Variants in SAMD5 observed in about 807,000 individuals in gnomAD.
SAMD5 encodes sterile alpha motif domain-containing protein 5.
A neutral mutation model predicts 11.3 loss-of-function variants in SAMD5; 13 were observed. The ratio of observed to expected loss-of-function variants is 1.15; its 90% CI spans 0.75 to 1.83. The LOEUF (loss-of-function observed/expected upper bound fraction) is 1.83, where lower values mean the gene tolerates loss of function less well. Among genes scored for constraint, SAMD5 ranks in the 40% most tolerant of loss-of-function variants. The pLI is 0.00. For synonymous variants in SAMD5, 129 were observed against 111.3 expected, an observed-to-expected ratio of 1.16 and a Z score of -1.00; for missense variants, 255 against 239.1, an observed-to-expected ratio of 1.07 and a Z score of -0.44.
At chr6:147,600,020 C>G (rs1363185913) in intron 1 of SAMD5, among the ~76,000 whole-genome samples, 1 of 151,960 alleles carries the variant, frequency 6.6e-6, no homozygotes, top group African/African-American at 2.4e-5. Context: ...TCGTGGTCAC[C>G]CCATCCCTCT....
At chr6:147,894,008 A>G in the SAMD5 span, among the ~76,000 whole-genome samples, 1 of 152,122 alleles carries the variant, frequency 6.6e-6, no homozygotes, top group African/African-American at 2.4e-5. Flanking sequence ...CAAAGGCTGC[A>G]TGGTATTCCA....
intron 1 of SAMD5, among the ~76,000 whole-genome samples, chr6:147,593,948 T>C (rs1383514029): frequency 1.3e-5 from 2 of 152,092 alleles, no homozygotes; most frequent in African/African-American, 2.4e-5. Context: ...GCCAACATGG[T>C]GAAACCCCGT....
chr6:147,527,948 G>A (rs1461705784), intron 1 of SAMD5, among the ~76,000 whole-genome samples: 1 of 152,078 alleles, frequency 6.6e-6, no homozygotes, highest in Non-Finnish European at 1.5e-5. Flanking sequence ...AGCAGGAGCA[G>A]GCATCTTACA....
At chr6:147,869,445 C>G in the SAMD5 span, among the ~76,000 whole-genome samples, 1 of 152,162 alleles carries the variant, frequency 6.6e-6, no homozygotes, top group African/African-American at 2.4e-5. Flanking sequence ...AGAAGTGTTT[C>G]CTACTTGAGT....
At chr6:147,636,642 G>T (rs1562339446) in intron 1 of SAMD5, among the ~76,000 whole-genome samples, 1 of 152,164 alleles carries the variant, frequency 6.6e-6, no homozygotes, top group Non-Finnish European at 1.5e-5. Context: ...AGGTGGTGCT[G>T]CCCAATGGTT....
At chr6:147,927,539 T>C in the SAMD5 span, among the ~76,000 whole-genome samples, 1 of 152,268 alleles carries the variant, frequency 6.6e-6, no homozygotes, top group Middle Eastern at 3.4e-3. Context: ...GCTGAAACTG[T>C]TTATTAGCTG....
At chr6:147,595,911 G>A (rs770623584) in intron 1 of SAMD5, among the ~76,000 whole-genome samples, 7 of 152,008 alleles carry the variant, frequency 4.6e-5, no homozygotes, top group Admixed American at 1.3e-4. Flanking sequence ...GATAACAGGG[G>A]CCCTATATAC....
intron 1 of SAMD5, among the ~76,000 whole-genome samples, chr6:147,669,284 T>A (rs953326538): frequency 1.3e-5 from 2 of 152,278 alleles, no homozygotes; most frequent in East Asian, 1.9e-4. Context: ...TTCAACAATG[T>A]TCACACCATC....
chr6:147,565,045 T>C lies in SAMD5; in HGVS notation c.*589T>C, dbSNP rs1789014571. 2 of 970,406 alleles carry C rather than the reference T, an allele frequency of 2.1e-6. No individual in the cohort carries two copies. Among genetic ancestry groups the C allele is most frequent in the African/African-American group, 1.8e-5 (1 of 56,878 alleles). The allele number at this position is 970,406 out of a possible 1,614,324, so 60.1% of individuals were successfully genotyped here. On this transcript the variant is annotated 3_prime_UTR_variant, in exon 2 of 2. Transcript: ENST00000367474. ...ATAGTTATTTTGTATATTGGTACAA[T>C]GTTAAAGGTGATGAATTAAGGAACA...
chr6:147,536,047 G>A (rs1385501558), intron 1 of SAMD5, among the ~76,000 whole-genome samples: 1 of 151,368 alleles, frequency 6.6e-6, no homozygotes, highest in Non-Finnish European at 1.5e-5. Flanking sequence ...GCAGTGGCAC[G>A]ATCTCGACTC....
the SAMD5 span, among the ~76,000 whole-genome samples, chr6:147,792,936 T>C: frequency 1.3e-5 from 2 of 152,244 alleles, no homozygotes; most frequent in East Asian, 3.9e-4. Flanking sequence ...AATGATTAAA[T>C]AAATGGAGAC....
At chr6:147,783,078 T>G in the SAMD5 span, among the ~76,000 whole-genome samples, 12 of 152,350 alleles carry the variant, frequency 7.9e-5, no homozygotes, top group African/African-American at 2.9e-4. Context: ...GATTTCCCTT[T>G]ATAAATAATA....
At chr6:147,898,766 T>C in the SAMD5 span, among the ~76,000 whole-genome samples, 1 of 152,302 alleles carries the variant, frequency 6.6e-6, no homozygotes, top group East Asian at 1.9e-4. Context: ...TATTCATATG[T>C]ATACATACAT....
the SAMD5 span, among the ~76,000 whole-genome samples, chr6:147,802,316 A>C: frequency 6.6e-6 from 1 of 151,950 alleles, no homozygotes; most frequent in Non-Finnish European, 1.5e-5. Context: ...AAAGTGCTCA[A>C]TATTGTTGGT....
chr6:147,933,117 A>G, the SAMD5 span, among the ~76,000 whole-genome samples: 8 of 152,186 alleles, frequency 5.3e-5, no homozygotes, highest in African/African-American at 1.4e-4. Context: ...ATAAAATTCC[A>G]TCACAAAACA....
At chr6:147,856,003 TAACC>T in the SAMD5 span, among the ~76,000 whole-genome samples, 1 of 152,150 alleles carries the variant, frequency 6.6e-6, no homozygotes, top group African/African-American at 2.4e-5. Flanking sequence ...GTATTTGTAA[TAACC>T]AAAACCTGGA....
chr6:147,797,809 G>A, the SAMD5 span, among the ~76,000 whole-genome samples: 3 of 148,812 alleles, frequency 2.0e-5, no homozygotes, highest in Non-Finnish European at 4.4e-5. Context: ...GAGTGTATGT[G>A]TCGAGGAATG....
chr6:147,888,505 T>A, the SAMD5 span, among the ~76,000 whole-genome samples: 196 of 152,278 alleles, frequency 1.3e-3, no homozygotes, highest in Middle Eastern at 0.01. Flanking sequence ...GTCTTTTAGT[T>A]TGCATTGTTT....
chr6:147,840,949 G>C, the SAMD5 span, among the ~76,000 whole-genome samples: 1 of 152,194 alleles, frequency 6.6e-6, no homozygotes, highest in Non-Finnish European at 1.5e-5. Context: ...TTGTTTATAC[G>C]TATATATCAA....
Sources: gnomAD v4.1 joint callset for allele counts (sites outside exome capture counted in the v4.1 genomes callset) on GRCh38, gnomAD v4.1.1 for gene constraint, MANE v1.5 for transcripts, NCBI Gene and HGNC (gene_info 2026-07-23, HGNC 2026-07-21) for gene names.